UNC5C: variants seen among roughly 807,000 people sequenced by gnomAD.
UNC5C encodes netrin receptor UNC5C.
UNC5C carries 47 observed loss-of-function variants against 99.8 expected under a neutral mutation model. That is an observed-to-expected ratio of 0.47 (90% CI 0.37 to 0.60). The LOEUF is 0.60. UNC5C is among the 20% of genes least tolerant of loss of function. The pLI is 0.00. For missense variants in UNC5C, 1,062 were observed against 1,165.9 expected, an observed-to-expected ratio of 0.91 and a Z score of 1.30; for synonymous variants, 487 against 452.2, an observed-to-expected ratio of 1.08 and a Z score of -0.98.
chr4:95,347,661 GAC>G (rs922797214), intron 1 of UNC5C, among the ~76,000 whole-genome samples: 46 of 152,110 alleles, frequency 3.0e-4, no homozygotes, highest in African/African-American at 1.1e-3. Flanking sequence ...CTGGAAAAAG[GAC>G]AGTCTCTTAA....
At chr4:95,294,148 A>G (rs1267493299) in intron 3 of UNC5C, among the ~76,000 whole-genome samples, 1 of 152,236 alleles carries the variant, frequency 6.6e-6, no homozygotes, top group Admixed American at 6.5e-5. Context: ...ACATGACCGA[A>G]ATAATTTTAT....
intron 1 of UNC5C, among the ~76,000 whole-genome samples, chr4:95,418,155 A>ACTT (rs1746222692): frequency 6.6e-6 from 1 of 152,242 alleles, no homozygotes; most frequent in African/African-American, 2.4e-5. Flanking sequence ...CAATTCCTCC[A>ACTT]CTTAGGTGAA....
At chr4:95,199,302 G>T (rs980770075) in intron 12 of UNC5C, among the ~76,000 whole-genome samples, 5 of 152,172 alleles carry the variant, frequency 3.3e-5, no homozygotes, top group Non-Finnish European at 5.9e-5. Flanking sequence ...TCAAGCGTGG[G>T]TGTGAGGAAG....
At chr4:95,347,459 G>A (rs1467351815) in intron 1 of UNC5C, among the ~76,000 whole-genome samples, 1 of 151,800 alleles carries the variant, frequency 6.6e-6, no homozygotes, top group Non-Finnish European at 1.5e-5. Flanking sequence ...AAACTCTCTT[G>A]AGCAAAAAGA....
At chr4:95,484,511 A>G (rs981320389) in intron 1 of UNC5C, among the ~76,000 whole-genome samples, 1 of 151,760 alleles carries the variant, frequency 6.6e-6, no homozygotes, top group African/African-American at 2.4e-5. Context: ...CATTAGTGAC[A>G]TGTGTCTCTT....
intron 7 of UNC5C, among the ~76,000 whole-genome samples, chr4:95,228,240 T>G (rs1418055767): frequency 6.6e-6 from 1 of 152,218 alleles, no homozygotes; most frequent in Non-Finnish European, 1.5e-5. Context: ...CTACTTTTAT[T>G]TTTCTAGCCT....
intron 2 of UNC5C, among the ~76,000 whole-genome samples, chr4:95,316,596 T>G (rs959054746): frequency 3.9e-5 from 6 of 152,192 alleles, no homozygotes; most frequent in Non-Finnish European, 5.9e-5. Context: ...GACTTTTAGG[T>G]AATAATGCAC....
At chr4:95,482,694 T>C (rs1721198077) in intron 1 of UNC5C, among the ~76,000 whole-genome samples, 1 of 123,908 alleles carries the variant, frequency 8.1e-6, no homozygotes, top group Admixed American at 8.4e-5. Context: ...AAATGATGAG[T>C]TCATGTCCTT....
chr4:95,515,079 C>T (rs919032365), intron 1 of UNC5C, among the ~76,000 whole-genome samples: 1 of 152,116 alleles, frequency 6.6e-6, no homozygotes, highest in Non-Finnish European at 1.5e-5. Flanking sequence ...TTATTTATAA[C>T]ACTTAAATGA....
intron 2 of UNC5C, among the ~76,000 whole-genome samples, chr4:95,333,130 A>C (rs548274715): frequency 1.3e-5 from 2 of 152,314 alleles, no homozygotes; most frequent in East Asian, 1.9e-4. Context: ...GTGGGACTGT[A>C]AACTAGTTCA....
At chr4:95,204,405 G>A (rs1271516089) in intron 11 of UNC5C, among the ~76,000 whole-genome samples, 1 of 152,196 alleles carries the variant, frequency 6.6e-6, no homozygotes, top group African/African-American at 2.4e-5. Flanking sequence ...CAGGGCCACA[G>A]ACAAGGAGGA....
At chr4:95,462,017 TCA>T (rs1387485600) in intron 1 of UNC5C, among the ~76,000 whole-genome samples, 1 of 152,218 alleles carries the variant, frequency 6.6e-6, no homozygotes, top group East Asian at 1.9e-4. Context: ...AATCCTTTCC[TCA>T]ATCAAGTTGA....
chr4:95,325,613 C>T (rs1198197049), intron 2 of UNC5C, among the ~76,000 whole-genome samples: 1 of 152,114 alleles, frequency 6.6e-6, no homozygotes, highest in African/African-American at 2.4e-5. Context: ...CTTGAGTAAG[C>T]ACAGTATACC....
chr4:95,177,433 G>T (rs904432836), intron 14 of UNC5C, among the ~76,000 whole-genome samples: 1 of 152,128 alleles, frequency 6.6e-6, no homozygotes, highest in Non-Finnish European at 1.5e-5. Context: ...GCCCTGCACC[G>T]CTTCAGTGGC....
intron 3 of UNC5C, among the ~76,000 whole-genome samples, chr4:95,300,814 T>G (rs946658760): frequency 1.3e-5 from 2 of 152,150 alleles, no homozygotes; most frequent in Admixed American, 1.3e-4. Context: ...GGCAGGGTTT[T>G]GCGGGGAGGT....
intron 1 of UNC5C, among the ~76,000 whole-genome samples, chr4:95,440,810 C>T (rs984554404): frequency 2.0e-5 from 3 of 152,162 alleles, no homozygotes; most frequent in African/African-American, 7.2e-5. Flanking sequence ...AACCATAGCT[C>T]TAACATGCTT....
intron 1 of UNC5C, among the ~76,000 whole-genome samples, chr4:95,476,037 T>C (rs1363217301): frequency 1.3e-5 from 2 of 152,134 alleles, no homozygotes; most frequent in East Asian, 3.9e-4. Context: ...TATGATGAAC[T>C]GTAATAACTT....
At chr4:95,170,544 A>G (rs980586988) in intron 14 of UNC5C, among the ~76,000 whole-genome samples, 1 of 152,186 alleles carries the variant, frequency 6.6e-6, no homozygotes, top group Non-Finnish European at 1.5e-5. Flanking sequence ...TTTTGAGCTA[A>G]CTTTGCATAG....
chr4:95,492,476 T>G (rs1721521841), intron 1 of UNC5C, among the ~76,000 whole-genome samples: 1 of 151,370 alleles, frequency 6.6e-6, no homozygotes, highest in African/African-American at 2.4e-5. Flanking sequence ...TTATTATCTG[T>G]CCTTTGTTTT....
Sources: gnomAD v4.1 joint callset for allele counts (sites outside exome capture counted in the v4.1 genomes callset) on GRCh38, gnomAD v4.1.1 for gene constraint, MANE v1.5 for transcripts, NCBI Gene and HGNC (gene_info 2026-07-23, HGNC 2026-07-21) for gene names.